Variants in RTN4 observed in about 807,000 individuals in gnomAD.
RTN4 encodes the protein reticulon-4.
In RTN4, 32 loss-of-function variants were observed where a neutral mutation model predicts 90.4. That is an observed-to-expected ratio of 0.35 (90% CI 0.27 to 0.48). The LOEUF is 0.48. Among genes scored for constraint, RTN4 ranks in the 20% least tolerant of loss-of-function variants. RTN4 has a pLI of 0.99. For missense variants in RTN4, 1,706 were observed against 1,430.2 expected, an observed-to-expected ratio of 1.19 and a Z score of -3.11; for synonymous variants, 629 against 552.5, an observed-to-expected ratio of 1.14 and a Z score of -1.94.
chr2:55,023,431 A>G (rs1373090994), intron 3 of RTN4, among the ~76,000 whole-genome samples: 2 of 152,164 alleles, frequency 1.3e-5, no homozygotes, highest in Admixed American at 1.3e-4. Flanking sequence ...AAGAACAAAC[A>G]TAAACCATCA....
intron 3 of RTN4, among the ~76,000 whole-genome samples, chr2:55,011,621 T>G (rs1680648302): frequency 6.6e-6 from 1 of 152,212 alleles, no homozygotes; most frequent in Non-Finnish European, 1.5e-5. Flanking sequence ...ACCTGCTATC[T>G]GTGGGCTGCA....
At chr2:55,028,053 T>G (rs1360608683) in intron 2 of RTN4, 111 bp downstream of exon 2, 1 of 897,244 alleles carries the variant, frequency 1.1e-6, no homozygotes, top group African/African-American at 1.8e-5. Flanking sequence ...CAAAACATTC[T>G]CGGAACCATG....
At chr2:54,996,050 A>G (rs1480423281) in intron 3 of RTN4, among the ~76,000 whole-genome samples, 1 of 152,238 alleles carries the variant, frequency 6.6e-6, no homozygotes, top group Non-Finnish European at 1.5e-5. Context: ...ATATACAAAA[A>G]TTGTATTTCT....
At chr2:55,035,253 A>G (rs887921221) in intron 1 of RTN4, among the ~76,000 whole-genome samples, 2 of 152,200 alleles carry the variant, frequency 1.3e-5, no homozygotes, top group African/African-American at 2.4e-5. Context: ...AACATTCACC[A>G]AGATAAAACA....
chr2:55,017,768 A>G lies in RTN4; in HGVS notation c.3013+7318T>C, dbSNP rs187436008. On this transcript the variant is annotated intron_variant, in intron 3 of 8. Coordinates refer to ENST00000337526, the MANE Select transcript of RTN4 (RefSeq NM_020532.5). ...CATACTAGCAACAGAATGTTACCCT[A>G]GTTCCAATATCCTTACATATGTGAG... Among the ~76,000 whole-genome samples the G allele has an allele frequency of 1.1e-4, 16 of 152,316 alleles. No homozygotes were observed. In the East Asian group the frequency reaches 3.1e-3, roughly 29 times the overall value.
chr2:54,986,796 G>A (rs1179889969), intron 4 of RTN4, among the ~76,000 whole-genome samples: 1 of 152,020 alleles, frequency 6.6e-6, no homozygotes, highest in Non-Finnish European at 1.5e-5. Context: ...AGTGATGGTT[G>A]TAGAATTCTG....
chr2:55,109,400 T>G (rs1053567052), intron 1 of RTN4, among the ~76,000 whole-genome samples: 1 of 152,134 alleles, frequency 6.6e-6, no homozygotes, highest in Non-Finnish European at 1.5e-5. Context: ...CTTCTGGTAT[T>G]AACTGTGCTT....
intron 4 of RTN4, 44 bp downstream of exon 4, chr2:54,987,447 T>C: frequency 7.4e-7 from 1 of 1,346,378 alleles, no homozygotes; most frequent in Non-Finnish European, 1.1e-6. Flanking sequence ...ACCAATCCTG[T>C]TTACACTATT....
In RTN4 at chr2:55,025,950, CAG is replaced by C. The variant is rs772588260; in HGVS notation, c.2147_2148del (p.Ser716Ter). ...KLSAEPAPDF[S>X]DYSEMAKVEQ... ...TCAACTTTTGCCATTTCTGAATAAT[CAG>C]AGAAATCCGGAGCTGGTTCAGCAGA... On this transcript the variant is annotated frameshift_variant, in exon 3 of 9. Transcript: ENST00000337526. LOFTEE classifies it high-confidence loss of function. 6.2e-7 allele frequency: 1 copy of C among 1,612,940 alleles called. No homozygotes were observed. Among genetic ancestry groups the C allele is most frequent in the Non-Finnish European group, 8.5e-7 (1 of 1,179,786 alleles).
chr2:55,109,941 C>T (rs1305280189), intron 1 of RTN4, among the ~76,000 whole-genome samples: 1 of 152,082 alleles, frequency 6.6e-6, no homozygotes, highest in Non-Finnish European at 1.5e-5. Flanking sequence ...AAAGAGTGGA[C>T]ATTGAATTTA....
At chr2:54,995,551 T>C (rs1339100317) in intron 3 of RTN4, among the ~76,000 whole-genome samples, 1 of 152,216 alleles carries the variant, frequency 6.6e-6, no homozygotes, top group African/African-American at 2.4e-5. Flanking sequence ...TATGGGTTTT[T>C]ATTTTATAAT....
At chr2:55,040,906 T>C (rs1251943276) in intron 1 of RTN4, among the ~76,000 whole-genome samples, 5 of 151,934 alleles carry the variant, frequency 3.3e-5, no homozygotes. Flanking sequence ...ACTTTCTGTA[T>C]CTGTGGTAAC....
intron 1 of RTN4, among the ~76,000 whole-genome samples, chr2:55,101,254 G>C (rs1667848351): frequency 6.6e-6 from 1 of 151,956 alleles, no homozygotes; most frequent in Non-Finnish European, 1.5e-5. Flanking sequence ...TATTCCTATA[G>C]TTTCTGAATT....
chr2:55,125,936 C>T, the RTN4 span, among the ~76,000 whole-genome samples: 20 of 151,864 alleles, frequency 1.3e-4, no homozygotes, highest in African/African-American at 4.8e-4. Flanking sequence ...CAGCACATGC[C>T]TATAGTCCCA....
At chr2:55,099,979 T>G (rs1667824547) in intron 1 of RTN4, among the ~76,000 whole-genome samples, 2 of 152,146 alleles carry the variant, frequency 1.3e-5, no homozygotes, top group African/African-American at 4.8e-5. Context: ...TGGACTTACA[T>G]TTTATTCATA....
chr2:54,973,594 C>A lies in RTN4; in HGVS notation c.3505G>T (p.Ala1169Ser). The change falls in exon 8 of 9, where the codon GCA becomes TCA. Residue 1169 changes from alanine (A) to serine (S), a missense_variant. Ala to Ser is a moderately conservative substitution (Grantham distance 99). Transcript: ENST00000337526. ...QAQIDHYLGL[A>S]NKNVKDAMAK... ...ATAGCATCTTTAACATTCTTATTTG[C>A]AAGTCCTAGATAATGATCTATCTGT... 1.9e-6 allele frequency: 3 copies of A among 1,610,518 alleles called. No individual in the cohort carries two copies. The highest frequency in any genetic ancestry group is 2.5e-6 in the Non-Finnish European group (3 of 1,176,880).
intron 1 of RTN4, among the ~76,000 whole-genome samples, chr2:55,092,542 G>A (rs1668958122): frequency 6.6e-6 from 1 of 152,176 alleles, no homozygotes; most frequent in African/African-American, 2.4e-5. Context: ...CCCGAAGGAA[G>A]AGATTTTTTA....
At chr2:55,022,678 A>C (rs539394363) in intron 3 of RTN4, among the ~76,000 whole-genome samples, 2 of 152,074 alleles carry the variant, frequency 1.3e-5, no homozygotes, top group Non-Finnish European at 2.9e-5. Flanking sequence ...CAAGGACTCT[A>C]ACCCCAGTAT....
rs569120115 is a variant in RTN4 at position 55,022,602 on chromosome 2, C to T, written c.3013+2484G>A. Among the ~76,000 whole-genome samples the T allele has an allele frequency of 1.6e-4, 25 of 152,208 alleles. No homozygotes were observed. The South Asian group carries it at 2.9e-3, about 18-fold the overall frequency. On this transcript the variant is annotated intron_variant, in intron 3 of 8. Transcript: ENST00000337526. The stretch of plus-strand genomic sequence containing the variant: ...GGCAAAAGTCTTGGCTATTCCGCTA[C>T]GTCATTCTCTGTCCTTCCTCATTTC...
Sources: allele counts gnomAD v4.1 joint callset (sites outside exome capture counted in the v4.1 genomes callset), GRCh38; gene constraint gnomAD v4.1.1; transcripts MANE v1.5; gene names NCBI Gene and HGNC (gene_info 2026-07-23, HGNC 2026-07-21).